The following TNRC6C variants were observed in gnomAD, a reference collection of about 807,000 sequenced individuals.
TNRC6C encodes the protein trinucleotide repeat containing adaptor 6C, also known as trinucleotide repeat-containing gene 6C protein.
Under a neutral mutation model 153.7 loss-of-function variants are expected in TNRC6C, and 20 were observed. The ratio of observed to expected loss-of-function variants is 0.13; its 90% CI spans 0.09 to 0.19. TNRC6C has a LOEUF of 0.19. Among genes scored for constraint, TNRC6C ranks in the 10% least tolerant of loss-of-function variants. TNRC6C has a pLI of 1.00. For synonymous variants in TNRC6C, 811 were observed against 841.4 expected (o/e 0.96, Z 0.63); for missense variants, 1,987 against 2,172.0 (o/e 0.91, Z 1.69).
exon 20 of TNRC6C, chr17:78,107,219 ATGTT>A (rs1037234493): frequency 4.6e-5 from 7 of 151,886 alleles, no homozygotes; most frequent in South Asian, 2.1e-4. Context: ...AGTCAAGAAT[ATGTT>A]TGTTTGTTTT....
At chr17:78,076,233 GAAAA>G (rs899650295) in intron 8 of TNRC6C, among the ~76,000 whole-genome samples, 6 of 128,114 alleles carry the variant, frequency 4.7e-5, no homozygotes, top group Non-Finnish European at 9.9e-5. Flanking sequence ...AAAAGAAAAA[GAAAA>G]AAAAAAAAGG....
intron 5 of TNRC6C, 111 bp downstream of exon 7, chr17:78,068,034 T>C: frequency 4.5e-6 from 6 of 1,331,752 alleles, no homozygotes; most frequent in Non-Finnish European, 6.0e-6. Context: ...CTCAAAGTAG[T>C]CTTAGGACCC....
In TNRC6C at chr17:78,075,320, G is replaced by C. The variant is rs1342201435; in HGVS notation, c.3060+42G>C. The C allele has an allele frequency of 6.5e-7, 1 of 1,543,414 alleles. No individual in the cohort carries two copies. Among genetic ancestry groups the C allele is most frequent in the South Asian group, 1.2e-5 (1 of 83,984 alleles). On this transcript the variant is annotated intron_variant, in intron 8 of 19. Coordinates refer to ENST00000301624, the Ensembl canonical transcript of TNRC6C. The surrounding 1 kb of genome is among the most constrained non-coding windows in gnomAD (Gnocchi z 4.2). ...TTTGTTGTTTTTGCTTTTTTAACAA[G>C]AGGAGTTTTTCATTTCAACTGTGTC...
chr17:77,986,831 G>A (rs1320602932), intron 1 of TNRC6C, among the ~76,000 whole-genome samples: 1 of 152,086 alleles, frequency 6.6e-6, no homozygotes, highest in Non-Finnish European at 1.5e-5. Context: ...TTTAGTCCTC[G>A]TGCACTAAAT....
chr17:78,023,938 C>T (rs2071884746), intron 1 of TNRC6C, among the ~76,000 whole-genome samples: 1 of 151,980 alleles, frequency 6.6e-6, no homozygotes, highest in African/African-American at 2.4e-5. Context: ...GGTGAAACCC[C>T]ATCTCTACTA....
chr17:78,069,809 T>TTG (rs1266967140), intron 5 of TNRC6C, among the ~76,000 whole-genome samples: 8 of 152,104 alleles, frequency 5.3e-5, no homozygotes, highest in African/African-American at 1.9e-4. Flanking sequence ...ACACCCTATT[T>TTG]TGTGGGGTAG....
intron 1 of TNRC6C, among the ~76,000 whole-genome samples, chr17:78,006,473 TTTCTTCTTCTTCTTCTTCTTTC>T (rs2071498118): frequency 6.6e-6 from 1 of 150,912 alleles, no homozygotes. Flanking sequence ...GGATCATCCA[TTTCTTCTTCTTCTTCTTCTTTC>T]TTCTTCTTCT....
At position 78,104,497 on chromosome 17, in the gene TNRC6C, A is replaced by G. The variant is rs758874662; in HGVS notation, c.4725A>G (p.Gly1575=). The G allele has an allele frequency of 4.6e-6, 7 of 1,506,908 alleles. No homozygotes were observed. Among genetic ancestry groups the G allele is most frequent in the Non-Finnish European group, 4.5e-6 (5 of 1,123,366 alleles). The allele number at this position is 1,506,908 out of a possible 1,614,324, so 93.3% of individuals were successfully genotyped here. ...CTTGCTGTTGCAGGTGCGTCCTGGG[A>G]AACACTACCATCCTGGCCGAGTTCG... is the stretch of plus-strand genomic sequence containing the variant. Residue 1575 remains glycine (G), a synonymous_variant, in exon 20 of 20, where the codon GGA becomes GGG. Coordinates refer to ENST00000301624, the Ensembl canonical transcript of TNRC6C. The surrounding 1 kb of genome is among the most constrained non-coding windows in gnomAD (Gnocchi z 6.2).
rs185584794 is a variant in TNRC6C at position 78,014,409 on chromosome 17, C to A, written c.-546+9330C>A. On this transcript the variant is annotated intron_variant, in intron 1 of 19. Coordinates refer to ENST00000301624, the Ensembl canonical transcript of TNRC6C. ...CATTAATGCTGTCTTGATTACTCAGCTTTAACATATGCTCTTAGCGGCATT... is the reference window on the plus strand; with the variant it reads ...CATTAATGCTGTCTTGATTACTCAGATTTAACATATGCTCTTAGCGGCATT... Among the ~76,000 whole-genome samples, 432 of 152,162 alleles carry A rather than the reference C, an allele frequency of 2.8e-3. 7 individuals are homozygous for A. Among genetic ancestry groups the A allele is most frequent in the Non-Finnish European group, 1.1e-3 (75 of 68,010 alleles).
At chr17:78,025,894 C>T (rs543359536) in intron 1 of TNRC6C, among the ~76,000 whole-genome samples, 7 of 152,176 alleles carry the variant, frequency 4.6e-5, no homozygotes, top group Non-Finnish European at 1.0e-4. Context: ...AGAATTAAAA[C>T]TGCATGTCAT....
chr17:77,999,876 T>C (rs1483587962), upstream of TNRC6C, among the ~76,000 whole-genome samples: 2 of 152,198 alleles, frequency 1.3e-5, no homozygotes, highest in East Asian at 1.9e-4. Flanking sequence ...TGCTAGAAAG[T>C]TGGAGTCTTA....
chr17:77,967,335 A>G (rs2070905432), intron 1 of TNRC6C, among the ~76,000 whole-genome samples: 1 of 152,218 alleles, frequency 6.6e-6, no homozygotes, highest in African/African-American at 2.4e-5. Flanking sequence ...CATCGTCTAT[A>G]GTATTTTGAA....
intron 1 of TNRC6C, among the ~76,000 whole-genome samples, chr17:77,998,446 T>C (rs1206357349): frequency 6.6e-6 from 1 of 152,210 alleles, no homozygotes; most frequent in Admixed American, 6.5e-5. Flanking sequence ...CTTCTCCACC[T>C]CTGGGCCTCC....
chr17:77,983,335 T>C (rs2071108542), intron 1 of TNRC6C, among the ~76,000 whole-genome samples: 3 of 152,172 alleles, frequency 2.0e-5, no homozygotes, highest in Admixed American at 2.0e-4. Flanking sequence ...TTGATGCCAC[T>C]GAACCAACAG....
chr17:78,060,445 C>T (rs1374286036), intron 3 of TNRC6C, among the ~76,000 whole-genome samples: 3 of 150,118 alleles, frequency 2.0e-5, no homozygotes, highest in Non-Finnish European at 4.4e-5. Context: ...AATGCCTGAT[C>T]GATTGCATTT....
At position 78,075,952 on chromosome 17, in the gene TNRC6C, C is replaced by G. The variant is rs1292714358; in HGVS notation, c.3060+674C>G. The stretch of plus-strand genomic sequence containing the variant: ...TGGAAGGAGGCTGGGTGCGGTGGCT[C>G]ACTCCTGTAATCCCAGCACTTTGGG... On this transcript the variant is annotated intron_variant, in intron 8 of 19. Coordinates refer to ENST00000301624, the Ensembl canonical transcript of TNRC6C. The surrounding 1 kb of genome is among the most constrained non-coding windows in gnomAD (Gnocchi z 4.2). Among the ~76,000 whole-genome samples, 1 of 151,888 alleles carries G rather than the reference C, an allele frequency of 6.6e-6. No homozygotes were observed. Among genetic ancestry groups the G allele is most frequent in the Non-Finnish European group, 1.5e-5 (1 of 67,960 alleles).
chr17:78,094,909 C>G (rs2073456847), intron 16 of TNRC6C, among the ~76,000 whole-genome samples: 1 of 152,176 alleles, frequency 6.6e-6, no homozygotes, highest in Admixed American at 6.5e-5. Flanking sequence ...ACGGGTGTCC[C>G]TGCTGTCAGA....
At chr17:77,966,709 A>G (rs1476064680) in intron 1 of TNRC6C, among the ~76,000 whole-genome samples, 1 of 152,196 alleles carries the variant, frequency 6.6e-6, no homozygotes, top group Non-Finnish European at 1.5e-5. Flanking sequence ...AAATCCAAGT[A>G]TGTGATGAGC....
At position 78,104,715 on chromosome 17, in the gene TNRC6C, G is replaced by T; in HGVS notation, c.4943G>T (p.Trp1648Leu). 6.5e-7 allele frequency: 1 copy of T among 1,536,168 alleles called. No individual in the cohort carries two copies. The change falls in exon 20 of 20, where the codon TGG becomes TTG. Residue 1648 changes from tryptophan (W) to leucine (L), a missense_variant. Transcript: ENST00000301624. This position sits in a 1 kb window ranked among gnomAD's most constrained non-coding sequence, Gnocchi z 6.2. ...GGCAAGGGGAGCAGTGAGCTGCTGT[G>T]GGGCGGGGTGCCCCAGTACTCCAGC...
Sources: gnomAD v4.1 joint callset for allele counts (sites outside exome capture counted in the v4.1 genomes callset) on GRCh38, gnomAD v4.1.1 for gene constraint, Gnocchi (gnomAD v3.1) non-coding constraint, MANE v1.5 for transcripts, NCBI Gene and HGNC (gene_info 2026-07-23, HGNC 2026-07-21) for gene names.